The following USP48 variants were observed in gnomAD, a reference collection of about 807,000 sequenced individuals.
USP48 encodes ubiquitin specific peptidase 48, also known as ubiquitin carboxyl-terminal hydrolase 48.
A neutral mutation model predicts 150.7 loss-of-function variants in USP48; 43 were observed. The ratio of observed to expected loss-of-function variants is 0.29; its 90% CI spans 0.22 to 0.37. The LOEUF is 0.37. USP48 is among the 10% of genes least tolerant of loss of function. USP48 has a pLI of 1.00. For missense variants in USP48, 813 were observed against 1,249.6 expected (o/e 0.65, Z 5.27); for synonymous variants, 396 against 425.9 (o/e 0.93, Z 0.86).
rs76956345 is a variant in USP48, at chr1:21,729,372, A to G, written c.1300+332T>C. Among the ~76,000 whole-genome samples, 724 of 152,248 alleles carry G rather than the reference A, an allele frequency of 4.8e-3. 5 individuals are homozygous for G. Among genetic ancestry groups the G allele is most frequent in the African/African-American group, 0.015 (614 of 41,560 alleles). On this transcript the variant is annotated intron_variant, in intron 10 of 26. Transcript: ENST00000308271. ...TTCAGACTCAGACTGTCTTCAGGGC[A>G]GCAACAACTCTACCTTTTATATTAT...
chr1:21,736,717 CAT>C (rs2097769595), intron 8 of USP48, 92 bp from the exon 9 acceptor site: 3 of 1,120,266 alleles, frequency 2.7e-6, no homozygotes, highest in South Asian at 2.6e-5. Context: ...AATCTTTACA[CAT>C]GTGGTATAAC....
chr1:21,715,798 G>C (rs563046486), intron 14 of USP48, among the ~76,000 whole-genome samples: 6 of 152,222 alleles, frequency 3.9e-5, no homozygotes, highest in African/African-American at 1.4e-4. Flanking sequence ...TCATGTCATG[G>C]CATGTCATTT....
chr1:21,708,007 C>T (rs1399516541), intron 15 of USP48, among the ~76,000 whole-genome samples: 2 of 151,734 alleles, frequency 1.3e-5, no homozygotes, highest in African/African-American at 4.8e-5. Flanking sequence ...ACTAAAAATA[C>T]CAACATCAGC....
Position 21,706,313 on chromosome 1 carries a change from C to CA in USP48, c.2212-127dup, listed in dbSNP as rs2152521327. 4 of 1,483,054 alleles carry CA rather than the reference C, an allele frequency of 2.7e-6. No individual in the cohort carries two copies. In the South Asian group the frequency reaches 3.8e-5, roughly 14 times the overall value. 91.9% of individuals were successfully genotyped at this position (1,483,054 alleles called of 1,614,324 possible). A position where few individuals can be genotyped will look rare whatever the true frequency, so the allele number is the denominator to read the frequency against. ...ATAAAATGAAAACACAGTCCTCTAC[C>CA]AAAAAATAGCAGGCTGGAGTAAATC... On this transcript the variant is annotated intron_variant, in intron 17 of 26. Transcript: ENST00000308271.
At chr1:21,739,938 G>GT (rs55938257) in intron 8 of USP48, among the ~76,000 whole-genome samples, 149,321 of 152,270 alleles carry the variant, frequency 0.98, 73,270 homozygotes, top group Non-Finnish European at 1. Context: ...TTGAGATGGA[G>GT]TTTGGTCTTG....
intron 1 of USP48, among the ~76,000 whole-genome samples, chr1:21,769,166 G>C (rs777179893): frequency 5.3e-4 from 81 of 152,120 alleles, no homozygotes; most frequent in Non-Finnish European, 9.8e-4. Flanking sequence ...ATTATTCCAT[G>C]ATCTTACTTC....
At position 21,737,001 on chromosome 1, in the gene USP48, A is replaced by C. The variant is rs531598736; in HGVS notation, c.992-376T>G. Among the ~76,000 whole-genome samples the C allele has an allele frequency of 2.0e-5, 3 of 152,328 alleles. No individual in the cohort carries two copies. In the East Asian group the frequency reaches 5.8e-4, roughly 29 times the overall value. On this transcript the variant is annotated intron_variant, in intron 8 of 26. Transcript: ENST00000308271. ...TACTCTCTGTGTGTTACGAAACTTAAAACTTATACAAACCAGGGAGACACG... is the reference window on the plus strand; with the variant it reads ...TACTCTCTGTGTGTTACGAAACTTACAACTTATACAAACCAGGGAGACACG...
chr1:21,741,453 C>T (rs2097781405), intron 8 of USP48, among the ~76,000 whole-genome samples: 1 of 152,134 alleles, frequency 6.6e-6, no homozygotes, highest in Non-Finnish European at 1.5e-5. Context: ...ATGAATTTCG[C>T]AAGGACAAAA....
At chr1:21,714,987 C>T (rs186830795) in intron 15 of USP48, 49 of 158,684 alleles carry the variant, frequency 3.1e-4, no homozygotes, top group African/African-American at 1.1e-3. Context: ...GAGGCCAAGG[C>T]AGGAGGAACA....
At chr1:21,720,970 G>GC in intron 14 of USP48, 66 bp downstream of exon 14, 1 of 1,584,748 alleles carries the variant, frequency 6.3e-7, no homozygotes, top group Non-Finnish European at 8.6e-7. Flanking sequence ...GAGCCACCGT[G>GC]CCTGGCCCAC....
At chr1:21,742,969 T>C (rs912174981) in intron 8 of USP48, among the ~76,000 whole-genome samples, 2 of 152,212 alleles carry the variant, frequency 1.3e-5, no homozygotes, top group African/African-American at 4.8e-5. Flanking sequence ...TGGTCAGTAA[T>C]GGATTATAAA....
chr1:21,778,084 A>G (rs2097904459), intron 1 of USP48, among the ~76,000 whole-genome samples: 1 of 151,646 alleles, frequency 6.6e-6, no homozygotes, highest in Non-Finnish European at 1.5e-5. Flanking sequence ...CGGAGGTTAC[A>G]GTGAGCCGAG....
chr1:21,717,732 C>G (rs997591180), intron 14 of USP48, among the ~76,000 whole-genome samples: 5 of 152,068 alleles, frequency 3.3e-5, no homozygotes, highest in Admixed American at 2.0e-4. Flanking sequence ...CTGAGGTGGG[C>G]AGATTAAGGT....
chr1:21,758,223 C>CAG lies in USP48; in HGVS notation c.135-442_135-441dup, dbSNP rs1553143266. 1.0e-4 allele frequency among the ~76,000 whole-genome samples: 15 copies of CAG among 150,682 alleles called. No homozygotes were observed. In the East Asian group the frequency reaches 2.9e-3, roughly 29 times the overall value. On this transcript the variant is annotated intron_variant, in intron 1 of 26. Transcript: ENST00000308271. The stretch of plus-strand genomic sequence containing the variant: ...ACACACACACACACACACACACACA[C>CAG]AGCATGAAAAAGATATCTATGAACA...
intron 1 of USP48, among the ~76,000 whole-genome samples, chr1:21,773,187 A>G (rs948199356): frequency 6.7e-6 from 1 of 149,396 alleles, no homozygotes; most frequent in Admixed American, 6.7e-5. Flanking sequence ...CCCAGGAAGC[A>G]GAGGTTGCAG....
chr1:21,747,654 C>A (rs1448350666), intron 7 of USP48, among the ~76,000 whole-genome samples: 1 of 152,114 alleles, frequency 6.6e-6, no homozygotes, highest in Non-Finnish European at 1.5e-5. Context: ...CTCACTGCAA[C>A]CTCCGCCTCC....
chr1:21,728,156 A>T, intron 11 of USP48: 1 of 988,460 alleles, frequency 1.0e-6, no homozygotes, highest in Non-Finnish European at 1.2e-6. Context: ...TAATAGTATC[A>T]AAAAAACTGT....
chr1:21,700,477 G>GT (rs1443212936), intron 22 of USP48, among the ~76,000 whole-genome samples: 1 of 152,118 alleles, frequency 6.6e-6, no homozygotes, highest in Non-Finnish European at 1.5e-5. Flanking sequence ...TAAAAATGAA[G>GT]TAACAGTATC....
intron 1 of USP48, among the ~76,000 whole-genome samples, chr1:21,765,901 CAAAAAAAAAAAAAAAAAAAAAAAAA>C (rs199539331): frequency 3.6e-5 from 4 of 112,158 alleles, no homozygotes; most frequent in Admixed American, 8.8e-5. Flanking sequence ...ACTCCATCTC[CAAAAAAAAAAAAAAAAAAAAAAAAA>C]AAAAAAAAAA....
Sources: gnomAD v4.1 joint callset for allele counts (sites outside exome capture counted in the v4.1 genomes callset) on GRCh38, gnomAD v4.1.1 for gene constraint, MANE v1.5 for transcripts, NCBI Gene and HGNC (gene_info 2026-07-23, HGNC 2026-07-21) for gene names.